Variants in SEC63 observed in about 807,000 individuals in gnomAD.
SEC63 encodes SEC63 protein translocation regulator, also known as translocation protein SEC63 homolog.
In SEC63, 56 loss-of-function variants were observed where a neutral mutation model predicts 116.2. The observed-to-expected ratio is 0.48, with a 90% confidence interval of 0.39 to 0.60. The LOEUF is 0.60. Among genes scored for constraint, SEC63 ranks in the 20% least tolerant of loss-of-function variants. The probability of loss-of-function intolerance (pLI) is 0.00; values close to 1 mark genes in which losing one functional copy is unlikely to be tolerated. For missense variants in SEC63, 668 were observed against 900.0 expected (o/e 0.74, Z 3.30); for synonymous variants, 273 against 294.6 (o/e 0.93, Z 0.75).
chr6:107,917,266 C>T (rs911963425), intron 4 of SEC63, among the ~76,000 whole-genome samples: 13 of 152,304 alleles, frequency 8.5e-5, no homozygotes, highest in African/African-American at 2.6e-4. Context: ...AGAAACAATG[C>T]TAATGACTGG....
rs1308929882 is a variant in SEC63, at chr6:107,938,245, TAA to T, written c.125-8733_125-8732del. ...TTTAATATATTTCATCCTGGTGAGT[TAA>T]TTTTTTTTTTTTTTTTTTGAGACAG... On this transcript the variant is annotated intron_variant, in intron 1 of 20. Transcript: ENST00000369002. Among the ~76,000 whole-genome samples, 28 of 84,032 alleles carry T rather than the reference TAA, an allele frequency of 3.3e-4. No individual in the cohort carries two copies. In the East Asian group the frequency reaches 8.6e-3, roughly 26 times the overall value. 55.1% of individuals were successfully genotyped at this position (84,032 alleles called of 152,430 possible).
At chr6:107,907,399 T>C (rs375511681) in intron 8 of SEC63, among the ~76,000 whole-genome samples, 12 of 151,912 alleles carry the variant, frequency 7.9e-5, no homozygotes, top group Admixed American at 4.6e-4. Context: ...CTGGCCAAAA[T>C]GGTGAAACCC....
In SEC63 at chr6:107,957,937, GC is replaced by G; in HGVS notation, c.72del (p.Leu25SerfsTer3). 1 of 1,613,422 alleles carries G rather than the reference GC, an allele frequency of 6.2e-7. No homozygotes were observed. Among genetic ancestry groups the G allele is most frequent in the Non-Finnish European group, 8.5e-7 (1 of 1,179,576 alleles). ...TAGTATGTCGCCGGGATCACGATGA[GC>G]CCCACGAAGGAGGTGAGGAAGTAGA... ...TFFYFLTSFV[G>X]LIVIPATYYL... On this transcript the variant is annotated frameshift_variant, in exon 1 of 21. Transcript: ENST00000369002. LOFTEE classifies it high-confidence loss of function.
In SEC63 at chr6:107,869,417, C is replaced by G. The variant is rs1040000139; in HGVS notation, c.*2287G>C. 9.9e-5 allele frequency: 15 copies of G among 152,260 alleles called. No homozygotes were observed. The East Asian group carries it at 1.9e-3, about 20-fold the overall frequency. The allele number at this position is 152,260 out of a possible 1,614,324, so 9.4% of individuals were successfully genotyped here. On this transcript the variant is annotated 3_prime_UTR_variant, in exon 21 of 21. Coordinates refer to ENST00000369002, the MANE Select transcript of SEC63 (RefSeq NM_007214.5). ...AAAATATCACATAATTTAACTGTTT[C>G]AATTTCACTTCCTATACACTGTATG...
At chr6:107,879,452 G>A (rs1446230123) in intron 18 of SEC63, among the ~76,000 whole-genome samples, 2 of 152,198 alleles carry the variant, frequency 1.3e-5, no homozygotes, top group East Asian at 1.9e-4. Context: ...TCAGCCTCCT[G>A]AGTGGTGGGA....
intron 1 of SEC63, among the ~76,000 whole-genome samples, chr6:107,938,566 CTT>C (rs542430538): frequency 2.0e-4 from 28 of 138,176 alleles, no homozygotes; most frequent in Non-Finnish European, 2.8e-4. Flanking sequence ...CTTCTTTTTT[CTT>C]TTTTTTTTTT....
chr6:107,922,638 G>T (rs982454057), intron 3 of SEC63, among the ~76,000 whole-genome samples: 1 of 152,172 alleles, frequency 6.6e-6, no homozygotes, highest in Non-Finnish European at 1.5e-5. Flanking sequence ...TCAGCTGCTT[G>T]TCTATCAAGT....
intron 8 of SEC63, 81 bp downstream of exon 8, chr6:107,908,846 T>G (rs1163084893): frequency 5.3e-6 from 4 of 761,520 alleles, no homozygotes; most frequent in South Asian, 4.4e-5. Context: ...CTCAACAGTA[T>G]AGAGTTAAGG....
chr6:107,946,147 G>C (rs916586589), intron 1 of SEC63, among the ~76,000 whole-genome samples: 8 of 151,956 alleles, frequency 5.3e-5, no homozygotes, highest in African/African-American at 1.9e-4. Flanking sequence ...ATATTGGCCA[G>C]GCTGGTCTCG....
At position 107,958,179 on chromosome 6, in the gene SEC63, T is replaced by G. The variant is rs1770757262; in HGVS notation, c.-170A>C. The G allele has an allele frequency of 2.0e-6, 2 of 1,015,976 alleles. No homozygotes were observed. The highest frequency in any genetic ancestry group is 2.2e-5 in the Admixed American group (1 of 46,004). 62.9% of individuals were successfully genotyped at this position (1,015,976 alleles called of 1,614,324 possible). On this transcript the variant is annotated 5_prime_UTR_variant, in exon 1 of 21. Transcript: ENST00000369002. ...GACACGCCGCCGCCACCTCTGCCGC[T>G]GCCGCCGCCGTCGCCAGCTCTCGCG...
intron 12 of SEC63, 81 bp downstream of exon 12, chr6:107,902,763 T>C: frequency 7.5e-7 from 1 of 1,330,910 alleles, no homozygotes; most frequent in Non-Finnish European, 1.1e-6. Flanking sequence ...TAGTAACCAT[T>C]TCCAGAAAAC....
chr6:107,896,696 G>A lies in SEC63; in HGVS notation c.1440+953C>T, dbSNP rs115812350. Among the ~76,000 whole-genome samples the A allele has an allele frequency of 6.2e-3, 950 of 152,104 alleles. 12 individuals are homozygous for A. The highest frequency in any genetic ancestry group is 0.022 in the African/African-American group (919 of 41,496). ...TTTTCCTAAAGAAAATGAGAGAGAC[G>A]GGCTGAGTGCGGTAGCTCACGCCTG... On this transcript the variant is annotated intron_variant, in intron 14 of 20. Transcript: ENST00000369002.
chr6:107,913,335 G>A (rs1446399837), intron 5 of SEC63, 31 bp downstream of exon 5: 11 of 1,342,350 alleles, frequency 8.2e-6, no homozygotes, highest in South Asian at 1.2e-5. Flanking sequence ...ATACCATATC[G>A]CCAATATTTT....
intron 4 of SEC63, among the ~76,000 whole-genome samples, chr6:107,920,536 C>T (rs1212834625): frequency 2.7e-5 from 4 of 150,000 alleles, no homozygotes; most frequent in African/African-American, 9.8e-5. Context: ...ATTTGTGACT[C>T]ACTTTATTGC....
chr6:107,951,213 AGGTAATT>A (rs1445663007), intron 1 of SEC63, among the ~76,000 whole-genome samples: 1 of 152,234 alleles, frequency 6.6e-6, no homozygotes, highest in Non-Finnish European at 1.5e-5. Flanking sequence ...GGTAGTGTTA[AGGTAATT>A]ATGTGCAATT....
chr6:107,952,770 A>C (rs915690435), intron 1 of SEC63, among the ~76,000 whole-genome samples: 21 of 152,238 alleles, frequency 1.4e-4, no homozygotes, highest in African/African-American at 3.4e-4. Flanking sequence ...AACAAACAAA[A>C]AAAAAATTAC....
At chr6:107,937,018 C>T (rs1406113523) in intron 1 of SEC63, among the ~76,000 whole-genome samples, 4 of 151,954 alleles carry the variant, frequency 2.6e-5, no homozygotes, top group African/African-American at 9.7e-5. Context: ...TCTGTTTCTG[C>T]ATTAATTCAC....
intron 4 of SEC63, among the ~76,000 whole-genome samples, chr6:107,920,072 T>C (rs1787517787): frequency 6.6e-6 from 1 of 152,138 alleles, no homozygotes; most frequent in African/African-American, 2.4e-5. Context: ...AGGCTCAGAT[T>C]ACTAGCATTT....
intron 1 of SEC63, 35 bp downstream of exon 1, chr6:107,957,851 G>C: frequency 6.3e-7 from 1 of 1,590,864 alleles, no homozygotes; most frequent in Non-Finnish European, 8.6e-7. Context: ...GGCGGGGCCT[G>C]CGCGGGTTCG....
Sources: allele counts gnomAD v4.1 joint callset (sites outside exome capture counted in the v4.1 genomes callset), GRCh38; gene constraint gnomAD v4.1.1; transcripts MANE v1.5; gene names NCBI Gene and HGNC (gene_info 2026-07-23, HGNC 2026-07-21).